The following PLPPR3 variants were observed in gnomAD, a reference collection of about 807,000 sequenced individuals.
PLPPR3 encodes phospholipid phosphatase related 3, also known as phospholipid phosphatase-related protein type 3.
PLPPR3 carries 14 observed loss-of-function variants against 27.3 expected under a neutral mutation model. The observed-to-expected ratio is 0.51, with a 90% CI of 0.34 to 0.80. PLPPR3 has a LOEUF of 0.80. Among genes scored for constraint, PLPPR3 ranks in the 30% least tolerant of loss-of-function variants. PLPPR3 has a pLI of 0.01. For synonymous variants in PLPPR3, 671 were observed against 508.0 expected (o/e 1.32, Z -4.32); for missense variants, 1,287 against 1,056.9 (o/e 1.22, Z -3.02).
chr19:812,841 C>A lies in PLPPR3; in HGVS notation c.1886G>T (p.Arg629Leu). The stretch of plus-strand genomic sequence containing the variant: ...CACGCCCGGGGGCTTGGCCCCGCCG[C>A]GGAAGCCGCGCGCCAGGTCCCCCAG... ...YELGDLARGF[R>L]GGAKPPGVSP... The change falls in exon 8 of 8, where the codon CGC becomes CTC. Residue 629 changes from arginine to leucine, a missense_variant. Transcript: ENST00000520876. The A allele has an allele frequency of 8.9e-7, 1 of 1,124,100 alleles. No homozygotes were observed. Among genetic ancestry groups the A allele is most frequent in the Non-Finnish European group, 1.1e-6 (1 of 917,686 alleles). 69.6% of individuals were successfully genotyped at this position (1,124,100 alleles called of 1,614,324 possible).
intron 2 of PLPPR3, 53 bp downstream of exon 2, chr19:821,432 G>T (rs1366595039): frequency 2.7e-6 from 4 of 1,469,442 alleles, no homozygotes; most frequent in Non-Finnish European, 3.6e-6. Context: ...GGGTCTCTGC[G>T]GGCGGGCGGA....
In PLPPR3 at chr19:818,803, G is replaced by C. The variant is rs559968952; in HGVS notation, c.75+2682C>G. 3.3e-5 allele frequency among the ~76,000 whole-genome samples: 5 copies of C among 152,140 alleles called. No homozygotes were observed. In the South Asian group the frequency reaches 1.0e-3, roughly 32 times the overall value. Reference sequence around the variant, plus strand: ...CCACCTAGGCCTTCCAAAGTGCTGGGATGACAGGCGTGAGCCACCACGCAC... The same window carrying C: ...CCACCTAGGCCTTCCAAAGTGCTGGCATGACAGGCGTGAGCCACCACGCAC... On this transcript the variant is annotated intron_variant, in intron 2 of 7. Transcript: ENST00000520876.
chr19:816,507 A>G (rs2035059741), intron 2 of PLPPR3, among the ~76,000 whole-genome samples: 2 of 143,050 alleles, frequency 1.4e-5, no homozygotes, highest in South Asian at 2.2e-4. Flanking sequence ...TCACCCATCC[A>G]TCCATCCACC....
intron 2 of PLPPR3, among the ~76,000 whole-genome samples, chr19:816,703 C>T (rs1345021884): frequency 1.3e-5 from 2 of 151,696 alleles, no homozygotes; most frequent in Non-Finnish European, 2.9e-5. Flanking sequence ...ACCCACCCAA[C>T]CGTCCATCCA....
rs765696600 is a variant in PLPPR3, at chr19:812,600, G to A, written c.2127C>T (p.Arg709=). ...EAEAEAEGYF[R]KMQARRFPD is the part of the protein sequence containing the mutation. Reference sequence around the variant, plus strand: ...CGGGGAAGCGGCGCGCCTGCATCTTGCGGAAGTAGCCCTCGGCCTCCGCCT... The same window carrying A: ...CGGGGAAGCGGCGCGCCTGCATCTTACGGAAGTAGCCCTCGGCCTCCGCCT... The change falls in exon 8 of 8, where the codon CGC becomes CGT. Residue 709 remains arginine, a synonymous_variant. Coordinates refer to ENST00000520876, the MANE Select transcript of PLPPR3 (RefSeq NM_001270366.2). The A allele has an allele frequency of 2.4e-5, 26 of 1,103,198 alleles. No homozygotes were observed. The South Asian group carries it at 3.9e-4, about 16-fold the overall frequency. 68.3% of individuals were successfully genotyped at this position (1,103,198 alleles called of 1,614,324 possible). A position where few individuals can be genotyped will look rare whatever the true frequency, so the allele number is the denominator to read the frequency against.
intron 2 of PLPPR3, among the ~76,000 whole-genome samples, chr19:818,660 A>G (rs1209116527): frequency 6.6e-6 from 1 of 151,632 alleles, no homozygotes; most frequent in Admixed American, 6.6e-5. Context: ...CAGCCTCCCG[A>G]GTAGCTGGGA....
In PLPPR3 at chr19:813,981, G is replaced by T; in HGVS notation, c.832-86C>A. The stretch of plus-strand genomic sequence containing the variant: ...CGTTGGACTTGCCGCGGGGGGCTCT[G>T]GACCGGGGGTGGGGGCTGGCAAGCT... On this transcript the variant is annotated intron_variant, in intron 7 of 7. Transcript: ENST00000520876. The surrounding 1 kb of genome is among the most constrained non-coding windows in gnomAD (Gnocchi z 4.1). 2 of 1,355,500 alleles carry T rather than the reference G, an allele frequency of 1.5e-6. No individual in the cohort carries two copies. Among genetic ancestry groups the T allele is most frequent in the Non-Finnish European group, 1.9e-6 (2 of 1,041,580 alleles). 84.0% of individuals were successfully genotyped at this position (1,355,500 alleles called of 1,614,324 possible).
intron 2 of PLPPR3, among the ~76,000 whole-genome samples, chr19:821,026 A>G (rs2035135550): frequency 6.6e-6 from 1 of 152,210 alleles, no homozygotes; most frequent in Non-Finnish European, 1.5e-5. Flanking sequence ...GTAGATATTA[A>G]TTCCTATCAG....
chr19:822,610 G>A (rs1037535750), upstream of PLPPR3, among the ~76,000 whole-genome samples: 5 of 152,188 alleles, frequency 3.3e-5, no homozygotes, highest in African/African-American at 1.2e-4. Context: ...GGATTGCGGG[G>A]CGCGGGGCTG....
intron 2 of PLPPR3, 107 bp downstream of exon 2, chr19:821,378 G>A (rs554287722): frequency 1.1e-6 from 1 of 940,094 alleles, no homozygotes; most frequent in African/African-American, 1.8e-5. Context: ...CCGCCCCGAG[G>A]CCACTGCCGG....
At chr19:820,062 A>G (rs946418267) in intron 2 of PLPPR3, among the ~76,000 whole-genome samples, 2 of 152,006 alleles carry the variant, frequency 1.3e-5, no homozygotes, top group Non-Finnish European at 2.9e-5. Context: ...TGCCCAGGCT[A>G]GTCTTGAACT....
chr19:821,583 T>G lies in PLPPR3; in HGVS notation c.-24A>C. The G allele has an allele frequency of 7.3e-7, 1 of 1,375,476 alleles. No individual in the cohort carries two copies. The highest frequency in any genetic ancestry group is 1.3e-5 in the South Asian group (1 of 75,104). 85.2% of individuals were successfully genotyped at this position (1,375,476 alleles called of 1,614,324 possible). A position where few individuals can be genotyped will look rare whatever the true frequency, so the allele number is the denominator to read the frequency against. On this transcript the variant is annotated splice_region_variant and 5_prime_UTR_variant, in exon 2 of 8. Coordinates refer to ENST00000520876, the MANE Select transcript of PLPPR3 (RefSeq NM_001270366.2). ...ATGGTGCCGCGGGCGCCGCAGGCCGTGGCTGGAGGGGAGAAAGCGGCGCTG... is the reference window on the plus strand; with the variant it reads ...ATGGTGCCGCGGGCGCCGCAGGCCGGGGCTGGAGGGGAGAAAGCGGCGCTG...
At chr19:815,466 CCG>C (rs2035037755) in intron 3 of PLPPR3, 139 bp from the exon 4 acceptor site, 2 of 1,048,552 alleles carry the variant, frequency 1.9e-6, no homozygotes, top group African/African-American at 5.1e-5. Flanking sequence ...GGGCTCCCAG[CCG>C]TGGTGCCCAC....
In PLPPR3 at chr19:814,760, C is replaced by T. The variant is rs572471685; in HGVS notation, c.600-11G>A. The T allele has an allele frequency of 7.0e-6, 11 of 1,563,148 alleles. No homozygotes were observed. The highest frequency in any genetic ancestry group is 3.5e-5 in the South Asian group (3 of 84,630). The stretch of plus-strand genomic sequence containing the variant: ...GACGGGAAGGTCTTCCTGTAAGAGG[C>T]GTCCAGCGTGAGCCCCGCCCACCTG... On this transcript the variant is annotated splice_polypyrimidine_tract_variant and intron_variant, in intron 5 of 7. Coordinates refer to ENST00000520876, the MANE Select transcript of PLPPR3 (RefSeq NM_001270366.2).
chr19:818,958 CTTATTAT>C (rs1568287005), intron 2 of PLPPR3, among the ~76,000 whole-genome samples: 15,248 of 116,848 alleles, frequency 0.13, 3,281 homozygotes, highest in African/African-American at 0.18. Flanking sequence ...TGCGCTCGGC[CTTATTAT>C]TATTATTTTA....
chr19:814,841 G>C (rs772603486), intron 5 of PLPPR3, 45 bp downstream of exon 5: 16 of 1,590,204 alleles, frequency 1.0e-5, no homozygotes, highest in Non-Finnish European at 1.3e-5. Flanking sequence ...TGTTCACCGG[G>C]GCGGAAGAAG....
rs955562604 is a variant in PLPPR3 at position 813,116 on chromosome 19, C to T, written c.1611G>A (p.Leu537=). Residue 537 remains leucine, a synonymous_variant, in exon 8 of 8, where the codon CTG becomes CTA. Coordinates refer to ENST00000520876, the MANE Select transcript of PLPPR3 (RefSeq NM_001270366.2). This position sits in a 1 kb window ranked among gnomAD's most constrained non-coding sequence, Gnocchi z 4.1. ...GAGCCTTGGACATGGCGATGACCTGCAGCAGCCGCGGAGGGTTGGCCACTG... is the reference window on the plus strand; with the variant it reads ...GAGCCTTGGACATGGCGATGACCTGTAGCAGCCGCGGAGGGTTGGCCACTG... ...GAAVANPPRL[L]QVIAMSKAPG... is the part of the protein sequence containing the mutation. 8 of 1,503,062 alleles carry T rather than the reference C, an allele frequency of 5.3e-6. No individual in the cohort carries two copies. The highest frequency in any genetic ancestry group is 4.5e-5 in the Admixed American group (2 of 44,546). 93.1% of individuals were successfully genotyped at this position (1,503,062 alleles called of 1,614,324 possible).
chr19:823,450 A>C (rs4589681), upstream of PLPPR3, among the ~76,000 whole-genome samples: 6 of 143,870 alleles, frequency 4.2e-5, no homozygotes, highest in South Asian at 4.4e-4. Context: ...TCAAAAAAAA[A>C]AAAAAAAACA....
At chr19:822,848 C>T (rs1230179113), upstream of PLPPR3, among the ~76,000 whole-genome samples, 1 of 152,160 alleles carries the variant, frequency 6.6e-6, no homozygotes, top group Non-Finnish European at 1.5e-5. Context: ...GGGCCGTGCG[C>T]GGTGGCTCAG....
Sources: allele counts gnomAD v4.1 joint callset (sites outside exome capture counted in the v4.1 genomes callset), GRCh38; gene constraint gnomAD v4.1.1; non-coding constraint Gnocchi (gnomAD v3.1); transcripts MANE v1.5; gene names NCBI Gene and HGNC (gene_info 2026-07-23, HGNC 2026-07-21).